Variants in UBL3 observed in about 807,000 individuals in gnomAD.
UBL3 encodes the protein ubiquitin-like protein 3.
A neutral mutation model predicts 18.4 loss-of-function variants in UBL3; 6 were observed. The observed-to-expected ratio is 0.33, with a 90% confidence interval of 0.18 to 0.64. UBL3 has a LOEUF of 0.64. Among genes scored for constraint, UBL3 ranks in the 30% least tolerant of loss-of-function variants. The pLI is 0.76. For synonymous variants in UBL3, 49 were observed against 46.6 expected (o/e 1.05, Z -0.21); for missense variants, 109 against 142.9 (o/e 0.76, Z 1.21).
Position 29,835,006 on chromosome 13 carries a change from C to T in UBL3, c.27+14506G>A, listed in dbSNP as rs973984096. Among the ~76,000 whole-genome samples the T allele has an allele frequency of 7.9e-4, 117 of 147,860 alleles. 1 individual carries two copies. Among genetic ancestry groups the T allele is most frequent in the African/African-American group, 2.9e-3 (116 of 40,028 alleles). On this transcript the variant is annotated intron_variant, in intron 1 of 4. Transcript: ENST00000380680. ...AAGCGATCATCTTACTCCTTTAATC[C>T]ACAAACATTTATGAAAAATCTACTA...
intron 1 of UBL3, among the ~76,000 whole-genome samples, chr13:29,816,799 C>T (rs1480590442): frequency 7.0e-6 from 1 of 142,452 alleles, no homozygotes; most frequent in African/African-American, 2.5e-5. Flanking sequence ...ATGTTGAACT[C>T]TGAAAATCTT....
In UBL3 at chr13:29,835,118, ATATATAAATATATAT is replaced by A. The variant is rs1878903209; in HGVS notation, c.27+14379_27+14393del. On this transcript the variant is annotated intron_variant, in intron 1 of 4. Transcript: ENST00000380680. ...TATATATATATATAAATATATATATATATATAAATATATATATATATATATATATATATATATATA... is the reference window on the plus strand; with the variant it reads ...TATATATATATATAAATATATATATAATATATATATATATATATATATATA... Among the ~76,000 whole-genome samples the A allele has an allele frequency of 8.8e-4, 23 of 26,268 alleles. 1 individual carries two copies. Among genetic ancestry groups the A allele is most frequent in the African/African-American group, 2.5e-3 (7 of 2,792 alleles). 17.2% of individuals were successfully genotyped at this position (26,268 alleles called of 152,430 possible). A position where few individuals can be genotyped will look rare whatever the true frequency, so the allele number is the denominator to read the frequency against.
intron 2 of UBL3, among the ~76,000 whole-genome samples, chr13:29,774,720 C>A (rs559793208): frequency 1.3e-4 from 19 of 150,776 alleles, no homozygotes; most frequent in Middle Eastern, 3.5e-3. Context: ...CAAGACATGT[C>A]CTTAGGGTCT....
In UBL3 at chr13:29,772,223, T is replaced by A. The variant is rs982916466; in HGVS notation, c.137-25A>T. ...TCTGAAAAGAATCCAGTGTACTGGT[T>A]AGGTATATTCCAACATATAATTAAG... is the stretch of plus-strand genomic sequence containing the variant. On this transcript the variant is annotated intron_variant, in intron 2 of 4. Transcript: ENST00000380680. The A allele has an allele frequency of 1.3e-5, 21 of 1,583,002 alleles. 1 individual carries two copies. In the Admixed American group the frequency reaches 2.4e-4, roughly 18 times the overall value.
At chr13:29,783,893 A>T (rs931985740) in intron 1 of UBL3, among the ~76,000 whole-genome samples, 4 of 152,226 alleles carry the variant, frequency 2.6e-5, no homozygotes, top group African/African-American at 9.6e-5. Context: ...AAAACTGGTA[A>T]TAAGGACTCT....
At chr13:29,815,544 A>G (rs976749343) in intron 1 of UBL3, among the ~76,000 whole-genome samples, 2 of 152,184 alleles carry the variant, frequency 1.3e-5, no homozygotes, top group Non-Finnish European at 2.9e-5. Flanking sequence ...CTAAACAAAC[A>G]AAACCCCATT....
intron 1 of UBL3, among the ~76,000 whole-genome samples, chr13:29,791,120 G>A (rs1877469746): frequency 1.3e-5 from 2 of 152,056 alleles, no homozygotes. Flanking sequence ...ATTTATTTCT[G>A]CTGAATTCTC....
At chr13:29,842,044 A>T (rs1879113906) in intron 1 of UBL3, among the ~76,000 whole-genome samples, 1 of 147,602 alleles carries the variant, frequency 6.8e-6, no homozygotes, top group African/African-American at 2.6e-5. Context: ...TTACTAACCC[A>T]CCTCCAGTTG....
intron 1 of UBL3, among the ~76,000 whole-genome samples, chr13:29,777,720 GT>G (rs1202469084): frequency 1.3e-5 from 2 of 151,964 alleles, no homozygotes; most frequent in African/African-American, 2.4e-5. Flanking sequence ...CTATATACAA[GT>G]TTTTTTCCTA....
chr13:29,821,854 A>C (rs1199872752), intron 1 of UBL3, among the ~76,000 whole-genome samples: 3 of 152,224 alleles, frequency 2.0e-5, no homozygotes, highest in Admixed American at 2.0e-4. Context: ...AATCATCAAC[A>C]CAGTGGCTCT....
At chr13:29,842,143 T>C (rs924549255) in intron 1 of UBL3, among the ~76,000 whole-genome samples, 17 of 27,272 alleles carry the variant, frequency 6.2e-4, no homozygotes, top group African/African-American at 1.1e-3. Flanking sequence ...TCTTTTTTTT[T>C]TTTTTTTTTT....
intron 1 of UBL3, among the ~76,000 whole-genome samples, chr13:29,790,988 C>T (rs187395086): frequency 3.3e-5 from 5 of 152,292 alleles, no homozygotes; most frequent in Admixed American, 2.0e-4. Flanking sequence ...CATGAAGCGC[C>T]ATTTTCATTT....
intron 1 of UBL3, chr13:29,779,372 G>T: frequency 3.5e-6 from 1 of 288,432 alleles, no homozygotes; most frequent in Non-Finnish European, 6.7e-6. Flanking sequence ...TAGTAGTTCA[G>T]CCACTTGTGT....
chr13:29,806,723 C>T (rs959924586), intron 1 of UBL3, among the ~76,000 whole-genome samples: 12 of 152,288 alleles, frequency 7.9e-5, no homozygotes, highest in Admixed American at 3.9e-4. Flanking sequence ...TTTCCTCACT[C>T]CAAAACTGGC....
chr13:29,815,074 CAACT>C (rs1420245295), intron 1 of UBL3, among the ~76,000 whole-genome samples: 15 of 152,098 alleles, frequency 9.9e-5, no homozygotes, highest in African/African-American at 3.4e-4. Context: ...GTTAGTTCAC[CAACT>C]ATTAGTTCCC....
intron 1 of UBL3, among the ~76,000 whole-genome samples, chr13:29,804,158 A>G (rs1256382989): frequency 6.6e-6 from 1 of 152,050 alleles, no homozygotes; most frequent in African/African-American, 2.4e-5. Context: ...ACTTAATACT[A>G]AGAAAATCAC....
intron 1 of UBL3, among the ~76,000 whole-genome samples, chr13:29,840,044 A>G (rs775593424): frequency 7.3e-5 from 11 of 151,386 alleles, no homozygotes; most frequent in Non-Finnish European, 1.0e-4. Context: ...TTTTAAATAG[A>G]AGAAATAAAG....
intron 2 of UBL3, among the ~76,000 whole-genome samples, chr13:29,772,662 C>T (rs982990202): frequency 1.4e-4 from 22 of 151,882 alleles, no homozygotes; most frequent in African/African-American, 4.8e-4. Flanking sequence ...TTGAGAATAA[C>T]AAAAAAACTG....
At chr13:29,832,958 A>G (rs118119885) in intron 1 of UBL3, among the ~76,000 whole-genome samples, 3,805 of 152,352 alleles carry the variant, frequency 0.025, 71 homozygotes, top group Middle Eastern at 0.092. Context: ...TTAAGCAGAA[A>G]GTGAAGGCTC....
Sources: allele counts gnomAD v4.1 joint callset (sites outside exome capture counted in the v4.1 genomes callset), GRCh38; gene constraint gnomAD v4.1.1; transcripts MANE v1.5; gene names NCBI Gene and HGNC (gene_info 2026-07-23, HGNC 2026-07-21).